ATAD2B: variants seen among roughly 807,000 people sequenced by gnomAD.
The protein encoded by ATAD2B is ATPase family AAA domain-containing protein 2B.
ATAD2B carries 40 observed loss-of-function variants against 167.6 expected under a neutral mutation model. That is an observed-to-expected ratio of 0.24 (90% CI 0.19 to 0.31). The LOEUF (loss-of-function observed/expected upper bound fraction) is 0.31, where lower values mean the gene tolerates loss of function less well. Ranked by LOEUF, ATAD2B falls within the 10% of genes least tolerant of loss-of-function variation. The probability of loss-of-function intolerance (pLI) is 1.00; values close to 1 mark genes in which losing one functional copy is unlikely to be tolerated. For synonymous variants in ATAD2B, 579 were observed against 596.5 expected (o/e 0.97, Z 0.43); for missense variants, 1,242 against 1,757.2 (o/e 0.71, Z 5.24).
chr2:23,915,264 A>G (rs1702871371), intron 1 of ATAD2B, among the ~76,000 whole-genome samples: 1 of 152,154 alleles, frequency 6.6e-6, no homozygotes, highest in Non-Finnish European at 1.5e-5. Flanking sequence ...ACAGTAACCA[A>G]GTATTCTATC....
At chr2:23,699,229 G>A in the ATAD2B span, among the ~76,000 whole-genome samples, 1 of 152,300 alleles carries the variant, frequency 6.6e-6, no homozygotes, top group South Asian at 2.1e-4. Context: ...TATGACTGGT[G>A]TCCCAAGGAG....
chr2:23,897,385 T>C (rs751849116), intron 1 of ATAD2B, among the ~76,000 whole-genome samples: 5 of 152,188 alleles, frequency 3.3e-5, no homozygotes, highest in African/African-American at 4.8e-5. Flanking sequence ...GGGGATTATT[T>C]TGATAATTCA....
chr2:23,841,707 C>T (rs1690942462), intron 13 of ATAD2B, among the ~76,000 whole-genome samples: 1 of 151,872 alleles, frequency 6.6e-6, no homozygotes, highest in Non-Finnish European at 1.5e-5. Flanking sequence ...GTAGACACAG[C>T]ATCTAGTTAT....
chr2:23,838,679 T>G (rs1386184809), intron 13 of ATAD2B, among the ~76,000 whole-genome samples: 1 of 151,938 alleles, frequency 6.6e-6, no homozygotes, highest in Non-Finnish European at 1.5e-5. Context: ...GGAATCCAGG[T>G]TTTTTTTCCC....
At chr2:23,728,274 T>C in the ATAD2B span, among the ~76,000 whole-genome samples, 2 of 152,168 alleles carry the variant, frequency 1.3e-5, no homozygotes, top group African/African-American at 4.8e-5. Flanking sequence ...AAGGAGTATC[T>C]ATATAATAGT....
intron 1 of ATAD2B, among the ~76,000 whole-genome samples, chr2:23,913,799 C>G (rs1273774426): frequency 6.6e-6 from 1 of 151,910 alleles, no homozygotes; most frequent in Non-Finnish European, 1.5e-5. Context: ...AACTCAAAAC[C>G]ATAGTATGAA....
chr2:23,889,102 T>C (rs1454188342), intron 2 of ATAD2B, among the ~76,000 whole-genome samples: 2 of 152,226 alleles, frequency 1.3e-5, no homozygotes, highest in African/African-American at 4.8e-5. Context: ...CCAACAATTA[T>C]TAGTTTCGAA....
intron 17 of ATAD2B, among the ~76,000 whole-genome samples, chr2:23,812,293 A>G (rs1685720967): frequency 7.1e-6 from 1 of 141,280 alleles, no homozygotes; most frequent in South Asian, 2.4e-4. Context: ...AAAGGAAAGG[A>G]GATCCTATTC....
chr2:23,711,355 T>C, the ATAD2B span, among the ~76,000 whole-genome samples: 6 of 26,492 alleles, frequency 2.3e-4, 1 homozygote, highest in Non-Finnish European at 3.9e-4. Flanking sequence ...TTTTTTTTTT[T>C]TTTTTTTTTT....
intron 18 of ATAD2B, among the ~76,000 whole-genome samples, chr2:23,808,311 C>T (rs565197849): frequency 1.4e-4 from 21 of 149,664 alleles, no homozygotes; most frequent in African/African-American, 5.2e-4. Flanking sequence ...GGCTTCTTCC[C>T]CCAGCCAAGA....
chr2:23,704,532 C>T, the ATAD2B span, among the ~76,000 whole-genome samples: 510 of 152,142 alleles, frequency 3.4e-3, 3 homozygotes, highest in African/African-American at 0.011. Context: ...TTTGGGAGGC[C>T]GAGGCGGATG....
At chr2:23,874,448 G>A (rs945713944) in intron 8 of ATAD2B, among the ~76,000 whole-genome samples, 1 of 152,168 alleles carries the variant, frequency 6.6e-6, no homozygotes, top group African/African-American at 2.4e-5. Context: ...GCTGGGCACA[G>A]TAGCTCATGC....
At chr2:23,787,748 A>G (rs916993759) in intron 20 of ATAD2B, among the ~76,000 whole-genome samples, 2 of 152,092 alleles carry the variant, frequency 1.3e-5, no homozygotes, top group South Asian at 4.1e-4. Context: ...AAGGGTAAAG[A>G]GGCTTAAAAA....
At chr2:23,869,858 T>C in intron 8 of ATAD2B, 97 bp from the exon 9 acceptor site, 1 of 750,202 alleles carries the variant, frequency 1.3e-6, no homozygotes, top group Non-Finnish European at 2.1e-6. Flanking sequence ...GAAAATTCAT[T>C]CAGCAAATAT....
chr2:23,778,048 A>G (rs958747568), intron 22 of ATAD2B, among the ~76,000 whole-genome samples: 1 of 152,206 alleles, frequency 6.6e-6, no homozygotes, highest in Non-Finnish European at 1.5e-5. Flanking sequence ...ACGTAATACA[A>G]CATTCATGTA....
chr2:23,809,281 T>C (rs1268266885), intron 18 of ATAD2B: 1 of 152,170 alleles, frequency 6.6e-6, no homozygotes, highest in Non-Finnish European at 1.5e-5. Flanking sequence ...GTAGATAGCA[T>C]TTAATTCAAG....
intron 1 of ATAD2B, among the ~76,000 whole-genome samples, chr2:23,897,259 C>A (rs1313804822): frequency 6.6e-6 from 1 of 152,220 alleles, no homozygotes; most frequent in Non-Finnish European, 1.5e-5. Context: ...CATACTATAC[C>A]TATCCTTCCC....
chr2:23,901,950 A>G (rs1700893793), intron 1 of ATAD2B, among the ~76,000 whole-genome samples: 1 of 152,198 alleles, frequency 6.6e-6, no homozygotes, highest in Non-Finnish European at 1.5e-5. Flanking sequence ...AGTTACTTGA[A>G]TATCAATTTA....
chr2:23,707,124 C>A, the ATAD2B span: 1 of 153,034 alleles, frequency 6.5e-6, no homozygotes, highest in African/African-American at 2.4e-5. Context: ...CCGATCTACA[C>A]TTTCAGTGGC....
Sources: allele counts gnomAD v4.1 joint callset (sites outside exome capture counted in the v4.1 genomes callset), GRCh38; gene constraint gnomAD v4.1.1; transcripts MANE v1.5; gene names NCBI Gene and HGNC (gene_info 2026-07-23, HGNC 2026-07-21).